HOOK2: variants seen among roughly 807,000 people sequenced by gnomAD.
HOOK2 encodes the protein hook microtubule tethering protein 2.
In HOOK2, 108 loss-of-function variants were observed where a neutral mutation model predicts 111.9. The ratio of observed to expected loss-of-function variants is 0.96; its 90% CI spans 0.83 to 1.13. HOOK2 has a LOEUF of 1.13. HOOK2 is among the 50% of genes most tolerant of loss of function. HOOK2 has a pLI of 0.00. For missense variants in HOOK2, 978 were observed against 951.3 expected, an observed-to-expected ratio of 1.03 and a Z score of -0.37; for synonymous variants, 405 against 394.3, an observed-to-expected ratio of 1.03 and a Z score of -0.32.
chr19:12,773,243 T>C (rs1389542393), intron 3 of HOOK2, 199 bp from the exon 4 acceptor site: 4 of 572,634 alleles, frequency 7.0e-6, no homozygotes, highest in Non-Finnish European at 1.2e-5. Flanking sequence ...TTTTTTTTTT[T>C]TTTTTTTTTT....
intron 3 of HOOK2, among the ~76,000 whole-genome samples, chr19:12,787,512 A>C (rs571769152): frequency 1.3e-3 from 192 of 152,078 alleles, no homozygotes; most frequent in Non-Finnish European, 2.3e-3. Flanking sequence ...TGCGCCTGTA[A>C]TCCCAACTAT....
Position 12,791,600 on chromosome 19 carries a change from G to A in HOOK2, n.42-17375C>T, listed in dbSNP as rs1036884106. 4 of 530,818 alleles carry A rather than the reference G, an allele frequency of 7.5e-6. No individual in the cohort carries two copies. The highest frequency in any genetic ancestry group is 4.1e-5 in the African/African-American group (2 of 49,270). 32.9% of individuals were successfully genotyped at this position (530,818 alleles called of 1,614,324 possible). A position where few individuals can be genotyped will look rare whatever the true frequency, so the allele number is the denominator to read the frequency against. ...AGGGCGACGGGGGCTCGGGAAGCCT[G>A]ACAGGGCTTTTGCGCACAGCTGCCG... On this transcript the variant is annotated intron_variant and non_coding_transcript_variant, in intron 3 of 3. Coordinates refer to the HOOK2 transcript ENST00000589765. This position sits in a 1 kb window ranked among gnomAD's most constrained non-coding sequence, Gnocchi z 7.0.
intron 10 of HOOK2, 78 bp downstream of exon 10, chr19:12,770,854 T>G: frequency 6.7e-7 from 1 of 1,503,342 alleles, no homozygotes; most frequent in Non-Finnish European, 9.0e-7. Context: ...ACAGAGCTGC[T>G]ATGGCATCAG....
At chr19:12,780,689 A>C (rs1968592068), upstream of HOOK2, among the ~76,000 whole-genome samples, 1 of 90,162 alleles carries the variant, frequency 1.1e-5, no homozygotes, top group Non-Finnish European at 2.0e-5. Context: ...TTTTTGAGAC[A>C]GAGTCTCGGC....
In HOOK2 at chr19:12,765,909, G is replaced by A. The variant is rs750929822; in HGVS notation, c.1599+18C>T. 12 of 1,613,322 alleles carry A rather than the reference G, an allele frequency of 7.4e-6. No individual in the cohort carries two copies. The highest frequency in any genetic ancestry group is 9.3e-6 in the Non-Finnish European group (11 of 1,179,484). On this transcript the variant is annotated intron_variant, in intron 16 of 22. Transcript: ENST00000397668. ...GCACAAGGGAGGGCCAGGCTGGGAG[G>A]TGGTGGGTGACACTCACATCTTCAG...
upstream of HOOK2, chr19:12,778,489 C>A (rs1222235831): frequency 6.6e-6 from 1 of 152,240 alleles, no homozygotes; most frequent in Non-Finnish European, 1.5e-5. Context: ...GGCTGTCTTC[C>A]GGCGGTCGTG....
chr19:12,784,236 T>A (rs1038640236), intron 3 of HOOK2, among the ~76,000 whole-genome samples: 1 of 151,752 alleles, frequency 6.6e-6, no homozygotes, highest in African/African-American at 2.4e-5. Context: ...CGGGGGGCTG[T>A]AGGAATGTAC....
rs376184801 is a variant in HOOK2 at position 12,772,079 on chromosome 19, C to T, written c.519+111G>A. The T allele has an allele frequency of 1.1e-5, 9 of 839,908 alleles. 1 individual carries two copies. The highest frequency in any genetic ancestry group is 8.4e-5 in the African/African-American group (5 of 59,748). The allele number at this position is 839,908 out of a possible 1,614,324, so 52.0% of individuals were successfully genotyped here. A position where few individuals can be genotyped will look rare whatever the true frequency, so the allele number is the denominator to read the frequency against. On this transcript the variant is annotated intron_variant, in intron 7 of 22. Transcript: ENST00000397668. ...TGAGCATCTGTAAGTGGGGTCTGGA[C>T]CTTTAACAAGGTTAAGTCACAAGGT...
At chr19:12,779,033 C>A (rs1968569514), upstream of HOOK2, among the ~76,000 whole-genome samples, 1 of 152,170 alleles carries the variant, frequency 6.6e-6, no homozygotes, top group South Asian at 2.1e-4. Flanking sequence ...GATCCAAACC[C>A]CTGTTTTAGG....
upstream of HOOK2, among the ~76,000 whole-genome samples, chr19:12,778,662 T>C (rs1447000553): frequency 6.6e-6 from 1 of 152,124 alleles, no homozygotes; most frequent in Non-Finnish European, 1.5e-5. Context: ...ATCACCACAT[T>C]AGGGCGGGGG....
chr19:12,780,169 A>T (rs1968584917), upstream of HOOK2, among the ~76,000 whole-genome samples: 1 of 152,016 alleles, frequency 6.6e-6, no homozygotes, highest in African/African-American at 2.4e-5. Context: ...AACAACCAAA[A>T]AAACCCATCC....
chr19:12,790,232 C>T lies in HOOK2; in HGVS notation n.42-16007G>A, dbSNP rs1454096339. Reference sequence around the variant, plus strand: ...GGCTCGCACGCCCAGGTTCCTCTTCCGAGGCGCAGGATGCGGCGGGACCCA... The same window carrying T: ...GGCTCGCACGCCCAGGTTCCTCTTCTGAGGCGCAGGATGCGGCGGGACCCA... On this transcript the variant is annotated intron_variant and non_coding_transcript_variant, in intron 3 of 3. Transcript: ENST00000589765. The surrounding 1 kb of genome is among the most constrained non-coding windows in gnomAD (Gnocchi z 7.2). Among the ~76,000 whole-genome samples the T allele has an allele frequency of 1.3e-5, 2 of 152,172 alleles. No individual in the cohort carries two copies. Among genetic ancestry groups the T allele is most frequent in the East Asian group, 1.9e-4 (1 of 5,184 alleles).
chr19:12,778,726 ATTGAC>A (rs1205783042), upstream of HOOK2, among the ~76,000 whole-genome samples: 2 of 152,140 alleles, frequency 1.3e-5, no homozygotes, highest in Admixed American at 1.3e-4. Context: ...ATTTAGGCAA[ATTGAC>A]TTAAATTGTG....
intron 3 of HOOK2, chr19:12,773,966 C>A (rs1254750520): frequency 1.3e-5 from 2 of 153,158 alleles, no homozygotes; most frequent in African/African-American, 4.8e-5. Context: ...AACACCGTTC[C>A]CCCAAATTTC....
At chr19:12,772,544 G>T (rs1968368238) in intron 6 of HOOK2, 69 bp downstream of exon 6, 23 of 1,537,624 alleles carry the variant, frequency 1.5e-5, no homozygotes, top group Middle Eastern at 2.0e-4. Flanking sequence ...CCTGTGCCCA[G>T]TTCTCTCTGC....
rs993076991 is a variant in HOOK2, at chr19:12,766,123, G to C, written c.1491C>G (p.His497Gln). ...CTCACCGGTGCTGCGTCTCCAACCCGTGGCGCGCGCGGTTGGCATCCTCCA... is the reference window on the plus strand; with the variant it reads ...CTCACCGGTGCTGCGTCTCCAACCCCTGGCGCGCGCGGTTGGCATCCTCCA... ...RHLEDANRAR[H>Q]GLETQHRLNQ... The change falls in exon 15 of 23, where the codon CAC becomes CAG. Residue 497 changes from histidine to glutamine, a missense_variant. Coordinates refer to ENST00000397668, the MANE Select transcript of HOOK2 (RefSeq NM_013312.3). 1 of 1,602,192 alleles carries C rather than the reference G, an allele frequency of 6.2e-7. No individual in the cohort carries two copies. The highest frequency in any genetic ancestry group is 8.5e-7 in the Non-Finnish European group (1 of 1,178,942).
chr19:12,772,613 C>T lies in HOOK2; in HGVS notation c.456G>A (p.Glu152=), dbSNP rs1968369756. ...TTGCACACTGAGTGCCCCCACCCAC[C>T]TCTTGGATGGCTTCCATCACCACAT... The part of the protein sequence containing the change: ...VQHVVMEAIQ[E]LMTKDTPDSL... Residue 152 remains glutamate (E), a splice_region_variant and synonymous_variant, in exon 6 of 23, where the codon GAG becomes GAA. Coordinates refer to ENST00000397668, the MANE Select transcript of HOOK2 (RefSeq NM_013312.3). The T allele has an allele frequency of 6.2e-7, 1 of 1,614,052 alleles. No individual in the cohort carries two copies. Among genetic ancestry groups the T allele is most frequent in the South Asian group, 1.1e-5 (1 of 91,072 alleles).
Position 12,770,035 on chromosome 19 carries a change from CA to C in HOOK2, c.949del (p.Cys317AlafsTer8). On this transcript the variant is annotated frameshift_variant, in exon 11 of 23. Transcript: ENST00000397668. LOFTEE classifies it high-confidence loss of function. ...AGQLEATLTS[C>X]RRRLGELREL... ...CCTCAGCTCGCCCAAGCGGCGCCGG[CA>C]ACTGGTCAGCGTGGCCTCCAGCTGC... 1 of 1,540,338 alleles carries C rather than the reference CA, an allele frequency of 6.5e-7. No homozygotes were observed.
At position 12,791,741 on chromosome 19, in the gene HOOK2, G is replaced by T. The variant is rs768752850; in HGVS notation, n.42-17516C>A. The T allele has an allele frequency of 4.6e-6, 7 of 1,531,456 alleles. No homozygotes were observed. The highest frequency in any genetic ancestry group is 3.9e-5 in the Admixed American group (2 of 51,622). The allele number at this position is 1,531,456 out of a possible 1,614,324, so 94.9% of individuals were successfully genotyped here. A position where few individuals can be genotyped will look rare whatever the true frequency, so the allele number is the denominator to read the frequency against. On this transcript the variant is annotated intron_variant and non_coding_transcript_variant, in intron 3 of 3. Transcript: ENST00000589765. The surrounding 1 kb of genome is among the most constrained non-coding windows in gnomAD (Gnocchi z 7.0). Reference sequence around the variant, plus strand: ...AGCGAGGCCCGGAGCGGCCCCGCAGGGACCCTCCCCAGACCGCCTGGGCCG... The same window carrying T: ...AGCGAGGCCCGGAGCGGCCCCGCAGTGACCCTCCCCAGACCGCCTGGGCCG...
Sources: gnomAD v4.1 joint callset for allele counts (sites outside exome capture counted in the v4.1 genomes callset) on GRCh38, gnomAD v4.1.1 for gene constraint, Gnocchi (gnomAD v3.1) non-coding constraint, MANE v1.5 for transcripts, NCBI Gene and HGNC (gene_info 2026-07-23, HGNC 2026-07-21) for gene names.